The following AIFM3 variants were observed in gnomAD, a reference collection of about 807,000 sequenced individuals.
The protein encoded by AIFM3 is apoptosis-inducing factor 3.
Under a neutral mutation model 82.7 loss-of-function variants are expected in AIFM3, and 71 were observed. The observed-to-expected ratio is 0.86, with a 90% CI of 0.71 to 1.05. AIFM3 has a LOEUF of 1.05. Ranked by LOEUF, AIFM3 falls within the 50% of genes least tolerant of loss-of-function variation. The pLI, the probability that AIFM3 is intolerant of heterozygous loss-of-function variation, is 0.00. For synonymous variants in AIFM3, 337 were observed against 329.1 expected, an observed-to-expected ratio of 1.02 and a Z score of -0.26; for missense variants, 748 against 816.7, an observed-to-expected ratio of 0.92 and a Z score of 1.03.
Position 20,980,027 on chromosome 22 carries a change from G to T in AIFM3, c.1660G>T (p.Glu554Ter). ...KFVAFYTKGD[E>*]VIAVASMNYD... ...GCCATCCTCTCCTTGCAGAGGCGAC[G>T]AGGTGATCGCCGTGGCCAGCATGAA... is the stretch of plus-strand genomic sequence containing the variant. Residue 554 changes from glutamate (E) to a stop codon, truncating the protein, a stop_gained, in exon 19 of 21, where the codon GAG becomes TAG. Transcript: ENST00000440238. LOFTEE classifies it high-confidence loss of function. 1 of 1,610,680 alleles carries T rather than the reference G, an allele frequency of 6.2e-7. No individual in the cohort carries two copies.
chr22:20,979,392 G>C (rs1238012876), intron 17 of AIFM3, 23 bp downstream of exon 17: 4 of 1,548,398 alleles, frequency 2.6e-6, no homozygotes, highest in Non-Finnish European at 3.5e-6. Flanking sequence ...CCTCGGATGG[G>C]GGCGGGGCCG....
Position 20,979,335 on chromosome 22 carries a change from G to T in AIFM3, c.1542G>T (p.Trp514Cys). ...AGATGAGCACTGTGCCCTACCTCTG[G>T]ACCGCCATGTTTGGCAAGAGCCTGC... The part of the protein sequence containing the change: ...EAEMSTVPYL[W>C]TAMFGKSLRY... The change falls in exon 17 of 21, where the codon TGG becomes TGT. Residue 514 changes from tryptophan to cysteine, a missense_variant. Physicochemically the swap from Trp to Cys is radical, Grantham distance 215. Around this residue, in one of 5 missense-constraint regions of AIFM3, gnomAD observed 183 missense variants for 158.2 expected, o/e 1.16. Coordinates refer to ENST00000440238, the MANE Select transcript of AIFM3 (RefSeq NM_001386814.1). 1.3e-6 allele frequency: 2 copies of T among 1,558,344 alleles called. No individual in the cohort carries two copies. The highest frequency in any genetic ancestry group is 1.7e-6 in the Non-Finnish European group (2 of 1,150,948).
intron 2 of AIFM3, among the ~76,000 whole-genome samples, chr22:20,971,565 C>T (rs1923269335): frequency 6.6e-6 from 1 of 152,208 alleles, no homozygotes; most frequent in Non-Finnish European, 1.5e-5. Context: ...CAGGGGACAG[C>T]TCAGGCAAAG....
At position 20,973,850 on chromosome 22, in the gene AIFM3, G is replaced by A; in HGVS notation, c.338G>A (p.Gly113Asp). ...HALGHKCPHYGAPLVKGVLSR... is the reference protein window; with the variant it reads ...HALGHKCPHYDAPLVKGVLSR... ...CTGGGCCATAAGTGTCCGCACTACG[G>A]CGCACCCCTGGTGAAAGGTGAGCTG... The change falls in exon 4 of 21, where the codon GGC (glycine) becomes GAC (aspartate). Residue 113 changes from glycine to aspartate, a missense_variant. Transcript: ENST00000440238. The A allele has an allele frequency of 4.5e-6, 7 of 1,551,064 alleles. No homozygotes were observed. Among genetic ancestry groups the A allele is most frequent in the Non-Finnish European group, 6.1e-6 (7 of 1,146,630 alleles).
chr22:20,967,685 C>T (rs1041436381), intron 1 of AIFM3, 120 bp from the exon 2 acceptor site: 3 of 571,304 alleles, frequency 5.3e-6, no homozygotes, highest in East Asian at 3.0e-5. Context: ...ATCAGGCTCA[C>T]GCCATGGTTC....
In AIFM3 at chr22:20,975,789, A is replaced by G; in HGVS notation, c.807+11A>G. 6.2e-6 allele frequency: 10 copies of G among 1,610,714 alleles called. No homozygotes were observed. Among genetic ancestry groups the G allele is most frequent in the Non-Finnish European group, 8.5e-6 (10 of 1,179,876 alleles). The stretch of plus-strand genomic sequence containing the variant: ...CTCACCGAGGCTCAGGTACAGGGTC[A>G]AGGGTGGGAAACAGGCCCGAGGAGG... On this transcript the variant is annotated intron_variant, in intron 9 of 20. Coordinates refer to ENST00000440238, the MANE Select transcript of AIFM3 (RefSeq NM_001386814.1).
Position 20,974,309 on chromosome 22 carries a change from C to G in AIFM3, c.510+13C>G, listed in dbSNP as rs751671736. The G allele has an allele frequency of 5.1e-5, 82 of 1,612,782 alleles. No homozygotes were observed. The South Asian group carries it at 8.8e-4, about 17-fold the overall frequency. ...GGCCAGCAAGCAGGTGAGGGGATAG[C>G]TCGGGGCTCAGGCAGAAGGGAGGAG... On this transcript the variant is annotated intron_variant, in intron 6 of 20. Transcript: ENST00000440238.
At chr22:20,968,797 C>A (rs1395453795) in intron 2 of AIFM3, among the ~76,000 whole-genome samples, 4 of 151,000 alleles carry the variant, frequency 2.6e-5, no homozygotes, top group Non-Finnish European at 4.4e-5. Context: ...GGCCACGCTG[C>A]CCCAGCCAGC....
rs1050350686 is a variant in AIFM3 at position 20,980,026 on chromosome 22, C to A, written c.1659C>A (p.Asp553Glu). The change falls in exon 19 of 21, where the codon GAC becomes GAA. Residue 553 changes from aspartate (D) to glutamate (E), a missense_variant. By Grantham distance (45) the Asp-to-Glu change is conservative. This residue lies in a region of AIFM3 where 183 missense variants were observed against 158.2 expected (regional missense o/e 1.16). Transcript: ENST00000440238. ...LKFVAFYTKG[D>E]EVIAVASMNY... Reference sequence around the variant, plus strand: ...GGCCATCCTCTCCTTGCAGAGGCGACGAGGTGATCGCCGTGGCCAGCATGA... The same window carrying A: ...GGCCATCCTCTCCTTGCAGAGGCGAAGAGGTGATCGCCGTGGCCAGCATGA... 6.2e-7 allele frequency: 1 copy of A among 1,610,460 alleles called. No individual in the cohort carries two copies. Among genetic ancestry groups the A allele is most frequent in the African/African-American group, 1.3e-5 (1 of 75,048 alleles).
chr22:20,976,571 A>T, intron 11 of AIFM3, 33 bp downstream of exon 11: 1 of 1,613,010 alleles, frequency 6.2e-7, no homozygotes, highest in Admixed American at 1.7e-5. Context: ...GATGGTGGTC[A>T]GGTCGTCATG....
chr22:20,977,474 G>A, intron 14 of AIFM3: 1 of 616,848 alleles, frequency 1.6e-6, no homozygotes, highest in Non-Finnish European at 2.9e-6. Context: ...TCCACTTAAG[G>A]GCCTCATGGA....
chr22:20,975,875 C>A, intron 9 of AIFM3, 97 bp downstream of exon 9: 1 of 1,380,382 alleles, frequency 7.2e-7, no homozygotes, highest in Non-Finnish European at 1.0e-6. Flanking sequence ...CTCTACCTTC[C>A]TGGCCCCACA....
Position 20,977,912 on chromosome 22 carries a change from G to T in AIFM3, c.1384G>T (p.Val462Leu), listed in dbSNP as rs752154951. ...NKMMQTNVPG[V>L]FAAGDAVTFP... Reference sequence around the variant, plus strand: ...GATGATGCAGACCAATGTCCCAGGCGTGTTTGCAGCTGGCGATGCTGTCAC... The same window carrying T: ...GATGATGCAGACCAATGTCCCAGGCTTGTTTGCAGCTGGCGATGCTGTCAC... Residue 462 changes from valine (V) to leucine (L), a missense_variant, in exon 16 of 21, where the codon GTG (valine) becomes TTG (leucine). This residue lies in a region of AIFM3 where 393 missense variants were observed against 481.1 expected (regional missense o/e 0.82). Coordinates refer to ENST00000440238, the MANE Select transcript of AIFM3 (RefSeq NM_001386814.1). 1.2e-6 allele frequency: 2 copies of T among 1,614,176 alleles called. No homozygotes were observed. Among genetic ancestry groups the T allele is most frequent in the Non-Finnish European group, 1.7e-6 (2 of 1,180,020 alleles).
At chr22:20,977,400 G>A in intron 14 of AIFM3, 1 of 601,960 alleles carries the variant, frequency 1.7e-6, no homozygotes, top group Non-Finnish European at 2.9e-6. Context: ...TGCCAATTTG[G>A]GTAGGGGCCA....
intron 19 of AIFM3, 141 bp downstream of exon 19, chr22:20,980,265 C>T (rs1601711631): frequency 1.4e-6 from 1 of 711,338 alleles, no homozygotes; most frequent in Middle Eastern, 3.7e-4. Context: ...TACAGGACTA[C>T]AGGGAGGTGT....
chr22:20,980,292 T>C (rs1924010698), intron 19 of AIFM3, 168 bp downstream of exon 19: 2 of 638,334 alleles, frequency 3.1e-6, no homozygotes, highest in Non-Finnish European at 5.4e-6. Flanking sequence ...AGGATCATGG[T>C]TTGAGAGCAG....
intron 18 of AIFM3, 98 bp from the exon 19 acceptor site, chr22:20,979,922 G>A: frequency 8.0e-7 from 1 of 1,246,924 alleles, no homozygotes. Context: ...CCTGGGGTAG[G>A]TCCTTCCCTG....
chr22:20,978,045 G>T (rs1459337737), intron 16 of AIFM3, 40 bp downstream of exon 16: 13 of 1,583,538 alleles, frequency 8.2e-6, no homozygotes, highest in Non-Finnish European at 1.1e-5. Context: ...GTGGGAGGGA[G>T]TCTCAGGGTC....
At chr22:20,980,627 G>A (rs1215754539) in intron 19 of AIFM3, 120 bp from the exon 20 acceptor site, 1 of 1,320,050 alleles carries the variant, frequency 7.6e-7, no homozygotes. Context: ...AGGCCACTGG[G>A]AGGCTATGAG....
Sources: allele counts gnomAD v4.1 joint callset (sites outside exome capture counted in the v4.1 genomes callset), GRCh38; gene constraint gnomAD v4.1.1; regional missense constraint gnomAD v4.1.1; transcripts MANE v1.5; gene names NCBI Gene and HGNC (gene_info 2026-07-23, HGNC 2026-07-21).